B3GALNT2: variants seen among roughly 807,000 people sequenced by gnomAD.
B3GALNT2 encodes UDP-GalNAc:beta-1,3-N-acetylgalactosaminyltransferase 2.
In B3GALNT2, 53 loss-of-function variants were observed where a neutral mutation model predicts 61.1. That is an observed-to-expected ratio of 0.87 (90% CI 0.70 to 1.09). The LOEUF (loss-of-function observed/expected upper bound fraction) is 1.09, where lower values mean the gene tolerates loss of function less well. Among genes scored for constraint, B3GALNT2 ranks in the 50% least tolerant of loss-of-function variants. The pLI, the probability that B3GALNT2 is intolerant of heterozygous loss-of-function variation, is 0.00. For missense variants in B3GALNT2, 544 were observed against 623.0 expected, an observed-to-expected ratio of 0.87 and a Z score of 1.35; for synonymous variants, 223 against 237.4, an observed-to-expected ratio of 0.94 and a Z score of 0.56.
At chr1:235,443,183 C>CATAT (rs202164530), downstream of B3GALNT2, among the ~76,000 whole-genome samples, 18,523 of 144,784 alleles carry the variant, frequency 0.13, 1,424 homozygotes, top group African/African-American at 0.24. Context: ...CACACACACA[C>CATAT]ACATATATAT....
At chr1:235,490,519 C>T (rs1685013533) in intron 2 of B3GALNT2, among the ~76,000 whole-genome samples, 1 of 152,176 alleles carries the variant, frequency 6.6e-6, no homozygotes, top group African/African-American at 2.4e-5. Context: ...GTGTGAGCCA[C>T]TGTGTCCGGA....
chr1:235,452,355 T>TTATA (rs2102966504), intron 11 of B3GALNT2: 1 of 152,284 alleles, frequency 6.6e-6, no homozygotes, highest in East Asian at 1.9e-4. Flanking sequence ...GAACGTTGAT[T>TTATA]TATAACCTTT....
At chr1:235,495,357 T>A (rs1055250903) in intron 1 of B3GALNT2, among the ~76,000 whole-genome samples, 2 of 152,096 alleles carry the variant, frequency 1.3e-5, no homozygotes, top group African/African-American at 2.4e-5. Context: ...CTAAAAAAAA[T>A]GTGCTTTGAA....
chr1:235,502,429 T>TA (rs545751460), intron 1 of B3GALNT2, among the ~76,000 whole-genome samples: 38 of 151,732 alleles, frequency 2.5e-4, no homozygotes, highest in East Asian at 9.6e-4. Context: ...TCCCGGAACT[T>TA]AAAAAAAAAT....
intron 8 of B3GALNT2, among the ~76,000 whole-genome samples, chr1:235,458,305 T>C (rs1029496408): frequency 1.3e-5 from 2 of 152,150 alleles, no homozygotes; most frequent in African/African-American, 2.4e-5. Flanking sequence ...TGGGATACAA[T>C]AGGTCATATC....
chr1:235,498,818 T>C (rs1271017370), intron 1 of B3GALNT2, among the ~76,000 whole-genome samples: 2 of 119,350 alleles, frequency 1.7e-5, no homozygotes, highest in Non-Finnish European at 3.2e-5. Context: ...CTCTCCAGTC[T>C]GGGTGACAGA....
At chr1:235,440,001 C>T in the B3GALNT2 span, among the ~76,000 whole-genome samples, 39 of 150,976 alleles carry the variant, frequency 2.6e-4, no homozygotes, top group Non-Finnish European at 4.9e-4. Flanking sequence ...GACGGAGCCT[C>T]GCTCTGTCGC....
chr1:235,443,002 A>G, downstream of B3GALNT2: 2 of 1,280,868 alleles, frequency 1.6e-6, no homozygotes, highest in Admixed American at 1.8e-5. Context: ...CTCATGTCTC[A>G]AAGTGTGGAC....
chr1:235,473,539 T>C (rs1401261849), intron 5 of B3GALNT2, among the ~76,000 whole-genome samples: 1 of 152,126 alleles, frequency 6.6e-6, no homozygotes, highest in Admixed American at 6.6e-5. Flanking sequence ...ATGGAGACAA[T>C]GTTACCATTA....
At chr1:235,502,995 G>T (rs968218347) in intron 1 of B3GALNT2, among the ~76,000 whole-genome samples, 3 of 152,170 alleles carry the variant, frequency 2.0e-5, no homozygotes, top group Non-Finnish European at 4.4e-5. Context: ...TTCTATTCAG[G>T]TCACACAAAT....
rs1385496157 is a variant in B3GALNT2, at chr1:235,449,205, TCTA to T, written c.*998_*1000del. On this transcript the variant is annotated 3_prime_UTR_variant, in exon 12 of 12. Transcript: ENST00000366600. ...GTCCCTTAAACTTGGGGAGACATCC[TCTA>T]CTATGTATAACAATATGCTATTATC... 4.1e-6 allele frequency: 1 copy of T among 241,828 alleles called. No homozygotes were observed. The highest frequency in any genetic ancestry group is 8.2e-6 in the Non-Finnish European group (1 of 122,598). 15.0% of individuals were successfully genotyped at this position (241,828 alleles called of 1,614,324 possible).
Position 235,454,180 on chromosome 1 carries a change from G to C in B3GALNT2, c.1287C>G (p.Asn429Lys). Residue 429 changes from asparagine (N) to lysine (K), a missense_variant, in exon 10 of 12, where the codon AAC becomes AAG. Physicochemically the swap from Asn to Lys is moderately conservative, Grantham distance 94. Coordinates refer to ENST00000366600, the MANE Select transcript of B3GALNT2 (RefSeq NM_152490.5). The part of the protein sequence containing the change: ...SKDIVKWLAS[N>K]SGRLKTYQGE... ...CCTGATAGGTCTTTAACCTCCCCGA[G>C]TTGCTTGCCAGCCACTTGACGATGT... 1 of 1,611,822 alleles carries C rather than the reference G, an allele frequency of 6.2e-7. No individual in the cohort carries two copies. The highest frequency in any genetic ancestry group is 8.5e-7 in the Non-Finnish European group (1 of 1,179,030).
the B3GALNT2 span, chr1:235,441,728 T>G: frequency 4.7e-5 from 60 of 1,275,952 alleles, no homozygotes; most frequent in African/African-American, 8.1e-4. Context: ...TCTGGACGCT[T>G]ACCTATCCTT....
In B3GALNT2 at chr1:235,448,429, G is replaced by C; in HGVS notation, c.*1777C>G. On this transcript the variant is annotated 3_prime_UTR_variant, in exon 12 of 12. Transcript: ENST00000366600. ...TGTGTCAGACCTTCTGTTGTCCTAT[G>C]AAAGTCCCAAAGTAAGTTGCCCAGC... 6.2e-7 allele frequency: 1 copy of C among 1,614,090 alleles called. No individual in the cohort carries two copies. The highest frequency in any genetic ancestry group is 1.1e-5 in the South Asian group (1 of 91,082).
At chr1:235,484,238 A>C (rs1382552751) in intron 4 of B3GALNT2, 84 bp downstream of exon 4, 3 of 1,488,476 alleles carry the variant, frequency 2.0e-6, no homozygotes, top group Non-Finnish European at 2.7e-6. Context: ...ATAGTCTTCC[A>C]ATCTACTTAC....
chr1:235,504,345 G>GC lies in B3GALNT2; in HGVS notation c.-94dup. 7.3e-7 allele frequency: 1 copy of GC among 1,364,218 alleles called. No individual in the cohort carries two copies. The allele number at this position is 1,364,218 out of a possible 1,614,324, so 84.5% of individuals were successfully genotyped here. ...GAGACTGAGGGGCGGCGGCTGACGA[G>GC]CGACCACTCCGAGCACGCCCGCCCT... On this transcript the variant is annotated 5_prime_UTR_variant, in exon 1 of 12. Transcript: ENST00000366600.
chr1:235,443,110 CTAACTT>C (rs1163629604), downstream of B3GALNT2: 2 of 602,850 alleles, frequency 3.3e-6, no homozygotes, highest in Non-Finnish European at 5.9e-6. Context: ...CAGGTCTCCC[CTAACTT>C]TATCAGCTGA....
intron 5 of B3GALNT2, among the ~76,000 whole-genome samples, chr1:235,473,926 G>A (rs1465210737): frequency 2.0e-5 from 3 of 152,070 alleles, no homozygotes; most frequent in Non-Finnish European, 4.4e-5. Context: ...GTCCTTCCTG[G>A]CACCCAACTC....
chr1:235,474,495 CTATA>C (rs1370048535), intron 5 of B3GALNT2, among the ~76,000 whole-genome samples: 1 of 151,990 alleles, frequency 6.6e-6, no homozygotes, highest in Non-Finnish European at 1.5e-5. Context: ...GGAGAAATGA[CTATA>C]TATAAAGAAT....
Sources: gnomAD v4.1 joint callset for allele counts (sites outside exome capture counted in the v4.1 genomes callset) on GRCh38, gnomAD v4.1.1 for gene constraint, MANE v1.5 for transcripts, NCBI Gene and HGNC (gene_info 2026-07-23, HGNC 2026-07-21) for gene names.